Variants in ADAMTSL1 observed in about 807,000 individuals in gnomAD.
ADAMTSL1 encodes ADAMTS like 1, also known as ADAMTS-like protein 1.
In ADAMTSL1, 126 loss-of-function variants were observed where a neutral mutation model predicts 201.8. The ratio of observed to expected loss-of-function variants is 0.62; its 90% CI spans 0.54 to 0.72. ADAMTSL1 has a LOEUF of 0.72. ADAMTSL1 is among the 30% of genes least tolerant of loss of function. The probability of loss-of-function intolerance (pLI) is 0.00; values close to 1 mark genes in which losing one functional copy is unlikely to be tolerated. For synonymous variants in ADAMTSL1, 1,121 were observed against 903.4 expected (o/e 1.24, Z -4.32); for missense variants, 2,679 against 2,277.8 (o/e 1.18, Z -3.59).
At chr9:18,066,532 C>T (rs1020290585) in intron 1 of ADAMTSL1, among the ~76,000 whole-genome samples, 5 of 152,214 alleles carry the variant, frequency 3.3e-5, no homozygotes, top group South Asian at 2.1e-4. Flanking sequence ...TATTAGATGA[C>T]TAGCTCTTTA....
At chr9:18,161,212 G>A (rs1032677690) in intron 1 of ADAMTSL1, among the ~76,000 whole-genome samples, 4 of 151,898 alleles carry the variant, frequency 2.6e-5, no homozygotes, top group African/African-American at 9.7e-5. Flanking sequence ...TTCATTGTTA[G>A]CATTAGTGAG....
intron 1 of ADAMTSL1, among the ~76,000 whole-genome samples, chr9:18,117,550 C>T (rs1407001021): frequency 6.6e-6 from 1 of 152,102 alleles, no homozygotes; most frequent in Admixed American, 6.6e-5. Flanking sequence ...GAGGCTGGCC[C>T]TCTCCATCTT....
At chr9:18,388,125 T>C (rs947848777) in intron 2 of ADAMTSL1, among the ~76,000 whole-genome samples, 2 of 152,156 alleles carry the variant, frequency 1.3e-5, no homozygotes, top group African/African-American at 2.4e-5. Context: ...TCCTATATTT[T>C]GAACCTTTTT....
At chr9:18,291,672 C>G (rs60257257) in intron 2 of ADAMTSL1, among the ~76,000 whole-genome samples, 8,942 of 151,052 alleles carry the variant, frequency 0.059, 899 homozygotes, top group African/African-American at 0.21. Flanking sequence ...CCCATCATCT[C>G]TCTCTCTCTC....
chr9:18,670,447 C>T (rs1163869213), intron 9 of ADAMTSL1, among the ~76,000 whole-genome samples: 1 of 152,180 alleles, frequency 6.6e-6, no homozygotes. Flanking sequence ...CAATCACCCC[C>T]GCTTGCCTGA....
At chr9:18,341,448 T>C (rs1383406715) in intron 2 of ADAMTSL1, among the ~76,000 whole-genome samples, 1 of 152,162 alleles carries the variant, frequency 6.6e-6, no homozygotes, top group African/African-American at 2.4e-5. Context: ...TCCAAATGAC[T>C]TTCATTTTGG....
Position 18,875,725 on chromosome 9 carries a change from A to C in ADAMTSL1, c.4250-12106A>C, listed in dbSNP as rs530900831. On this transcript the variant is annotated intron_variant, in intron 23 of 28. Coordinates refer to ENST00000380548, the MANE Select transcript of ADAMTSL1 (RefSeq NM_001040272.6). ...CTGATGAATAGAGTGTATATTCTGC[A>C]GTTGTTGGGTAGAATATTCTACAAA... 2.0e-5 allele frequency among the ~76,000 whole-genome samples: 3 copies of C among 152,250 alleles called. No homozygotes were observed. In the East Asian group the frequency reaches 5.8e-4, roughly 29 times the overall value.
intron 2 of ADAMTSL1, among the ~76,000 whole-genome samples, chr9:18,208,444 G>A (rs1463198239): frequency 6.6e-6 from 1 of 152,152 alleles, no homozygotes; most frequent in Admixed American, 6.5e-5. Context: ...TGGATCATCA[G>A]ATACACGGCA....
chr9:18,581,921 AAG>A (rs1377929097), intron 4 of ADAMTSL1, among the ~76,000 whole-genome samples: 1 of 152,146 alleles, frequency 6.6e-6, no homozygotes, highest in African/African-American at 2.4e-5. Flanking sequence ...CCTCAGACCT[AAG>A]AGTCATTCTT....
chr9:18,144,063 A>G lies in ADAMTSL1; in HGVS notation c.88-19799A>G, dbSNP rs1407500465. Among the ~76,000 whole-genome samples, 15 of 152,328 alleles carry G rather than the reference A, an allele frequency of 9.8e-5. No individual in the cohort carries two copies. In the East Asian group the frequency reaches 2.7e-3, roughly 27 times the overall value. On this transcript the variant is annotated intron_variant, in intron 1 of 29. Coordinates refer to the ADAMTSL1 transcript ENST00000680146. ...GGCAGTTTCTTACTATCTTCAGAAC[A>G]CATGAAGAATGGAACTCTCTCCTGA...
intron 1 of ADAMTSL1, among the ~76,000 whole-genome samples, chr9:18,098,328 C>T (rs905762474): frequency 3.9e-5 from 6 of 152,002 alleles, no homozygotes; most frequent in Non-Finnish European, 5.9e-5. Context: ...TCAGTTTATT[C>T]ATTTATAAAA....
At chr9:18,284,272 A>AT (rs1347009832) in intron 2 of ADAMTSL1, among the ~76,000 whole-genome samples, 2 of 152,196 alleles carry the variant, frequency 1.3e-5, no homozygotes, top group South Asian at 4.1e-4. Flanking sequence ...CATTTTTTAG[A>AT]TAAAAAATAG....
At chr9:18,434,135 A>T (rs1404478195) in intron 2 of ADAMTSL1, among the ~76,000 whole-genome samples, 1 of 152,232 alleles carries the variant, frequency 6.6e-6, no homozygotes, top group Non-Finnish European at 1.5e-5. Context: ...ACATGTGTAT[A>T]TTTAGCCCTA....
At chr9:18,512,990 C>T (rs1238527711) in intron 2 of ADAMTSL1, among the ~76,000 whole-genome samples, 1 of 152,138 alleles carries the variant, frequency 6.6e-6, no homozygotes, top group East Asian at 1.9e-4. Context: ...AATCCCTATA[C>T]CACAGAACAA....
At chr9:18,188,191 C>G (rs1353329979) in intron 2 of ADAMTSL1, among the ~76,000 whole-genome samples, 3 of 152,134 alleles carry the variant, frequency 2.0e-5, no homozygotes, top group African/African-American at 7.2e-5. Context: ...TCCTTTTCCC[C>G]CCAACACATA....
chr9:17,938,290 C>T (rs1475869112), intron 1 of ADAMTSL1, among the ~76,000 whole-genome samples: 1 of 151,992 alleles, frequency 6.6e-6, no homozygotes, highest in Non-Finnish European at 1.5e-5. Context: ...TGTGCAAACT[C>T]GTTTCACATG....
At chr9:18,143,091 G>A (rs1008402804) in intron 1 of ADAMTSL1, among the ~76,000 whole-genome samples, 2 of 152,170 alleles carry the variant, frequency 1.3e-5, no homozygotes, top group Non-Finnish European at 2.9e-5. Flanking sequence ...ATTGAGCCTG[G>A]ACAAAGTGGA....
chr9:18,331,296 A>G (rs1335547101), intron 2 of ADAMTSL1, among the ~76,000 whole-genome samples: 1 of 152,224 alleles, frequency 6.6e-6, no homozygotes, highest in Non-Finnish European at 1.5e-5. Flanking sequence ...ACTTGAGTCT[A>G]TAACCAGTGA....
chr9:18,730,210 G>A (rs1183036923), intron 15 of ADAMTSL1, among the ~76,000 whole-genome samples: 2 of 152,146 alleles, frequency 1.3e-5, no homozygotes, highest in African/African-American at 4.8e-5. Context: ...ACAATTTGAC[G>A]AGAAGAGTTT....
Sources: gnomAD v4.1 joint callset for allele counts (sites outside exome capture counted in the v4.1 genomes callset) on GRCh38, gnomAD v4.1.1 for gene constraint, MANE v1.5 for transcripts, NCBI Gene and HGNC (gene_info 2026-07-23, HGNC 2026-07-21) for gene names.